SNAPC3: variants seen among roughly 807,000 people sequenced by gnomAD.
The protein encoded by SNAPC3 is small nuclear RNA activating complex polypeptide 3, also known as snRNA-activating protein complex subunit 3.
In SNAPC3, 56 loss-of-function variants were observed where a neutral mutation model predicts 47.7. That is an observed-to-expected ratio of 1.18 (90% CI 0.95 to 1.47). The LOEUF (loss-of-function observed/expected upper bound fraction) is 1.47, where lower values mean the gene tolerates loss of function less well. SNAPC3 is among the 40% of genes most tolerant of loss of function. The probability of loss-of-function intolerance (pLI) is 0.00; values close to 1 mark genes in which losing one functional copy is unlikely to be tolerated. For synonymous variants in SNAPC3, 235 were observed against 189.9 expected, an observed-to-expected ratio of 1.24 and a Z score of -1.95; for missense variants, 665 against 511.3, an observed-to-expected ratio of 1.30 and a Z score of -2.90.
At chr9:15,442,051 G>T (rs1429148536) in intron 3 of SNAPC3, among the ~76,000 whole-genome samples, 2 of 151,380 alleles carry the variant, frequency 1.3e-5, no homozygotes, top group South Asian at 2.1e-4. Context: ...GGGGCAGCTG[G>T]CCAGGCAGGG....
At chr9:15,433,243 G>A (rs1216404528) in intron 2 of SNAPC3, among the ~76,000 whole-genome samples, 3 of 151,162 alleles carry the variant, frequency 2.0e-5, no homozygotes, top group Admixed American at 6.6e-5. Context: ...CAGATGCCAT[G>A]TGGGATCCTG....
chr9:15,450,928 A>T (rs997804399), intron 5 of SNAPC3, among the ~76,000 whole-genome samples: 1 of 152,254 alleles, frequency 6.6e-6, no homozygotes, highest in Non-Finnish European at 1.5e-5. Flanking sequence ...GAAAATATAA[A>T]GAGAGAATTT....
intron 4 of SNAPC3, among the ~76,000 whole-genome samples, chr9:15,446,734 A>G (rs557443666): frequency 6.6e-6 from 1 of 152,248 alleles, no homozygotes; most frequent in South Asian, 2.1e-4. Context: ...GGAAGAGTAA[A>G]CAGTTTAGGA....
chr9:15,430,721 A>G (rs1396511271), intron 2 of SNAPC3, among the ~76,000 whole-genome samples: 1 of 152,220 alleles, frequency 6.6e-6, no homozygotes, highest in Non-Finnish European at 1.5e-5. Context: ...TACCTTAAAT[A>G]TACAGACGTA....
intron 3 of SNAPC3, among the ~76,000 whole-genome samples, chr9:15,436,405 G>C (rs2032806886): frequency 6.6e-6 from 1 of 152,146 alleles, no homozygotes; most frequent in Non-Finnish European, 1.5e-5. Context: ...GCATATAGCT[G>C]TCTATTTTTT....
chr9:15,466,170 G>C (rs2035611395), downstream of SNAPC3, among the ~76,000 whole-genome samples: 2 of 152,224 alleles, frequency 1.3e-5, no homozygotes, highest in Admixed American at 6.5e-5. Flanking sequence ...CTGAGGTCAG[G>C]AGTTCGAGGC....
intron 2 of SNAPC3, among the ~76,000 whole-genome samples, chr9:15,428,304 C>G (rs1240204939): frequency 6.6e-6 from 1 of 151,788 alleles, no homozygotes; most frequent in Non-Finnish European, 1.5e-5. Context: ...ACTGTTTATA[C>G]AGATCAACTT....
intron 2 of SNAPC3, among the ~76,000 whole-genome samples, chr9:15,429,763 A>T (rs1056375462): frequency 3.9e-5 from 6 of 152,228 alleles, no homozygotes; most frequent in African/African-American, 9.6e-5. Flanking sequence ...GATAGAGTTG[A>T]GACCAAATAC....
intron 7 of SNAPC3, among the ~76,000 whole-genome samples, chr9:15,455,985 C>A (rs914697354): frequency 6.6e-6 from 1 of 151,256 alleles, no homozygotes; most frequent in Non-Finnish European, 1.5e-5. Flanking sequence ...GGCAATTCTT[C>A]TGCCTCAGCC....
downstream of SNAPC3, chr9:15,464,798 C>A (rs542901579): frequency 4.8e-6 from 1 of 206,644 alleles, no homozygotes; most frequent in Admixed American, 5.9e-5. Flanking sequence ...TATACCCAGT[C>A]AGTTGTCTGC....
intron 3 of SNAPC3, among the ~76,000 whole-genome samples, chr9:15,442,142 T>TGGCTGGGTGGGGGCTGCC (rs2033471005): frequency 7.1e-6 from 1 of 139,978 alleles, no homozygotes; most frequent in Non-Finnish European, 1.6e-5. Context: ...ACGGGGCGGC[T>TGGCTGGGTGGGGGCTGCC]GGCTGGGTGG....
chr9:15,441,344 A>C (rs1054884199), intron 3 of SNAPC3, among the ~76,000 whole-genome samples: 1 of 134,900 alleles, frequency 7.4e-6, no homozygotes, highest in East Asian at 2.2e-4. Flanking sequence ...AGCTGTATCA[A>C]TTTGCATCCT....
chr9:15,436,848 A>G (rs529184423), intron 3 of SNAPC3, among the ~76,000 whole-genome samples: 1 of 133,998 alleles, frequency 7.5e-6, no homozygotes, highest in Non-Finnish European at 1.6e-5. Context: ...TTTGAGACGA[A>G]GTTTTGCTCT....
Position 15,422,972 on chromosome 9 carries a change from G to T in SNAPC3, c.93G>T (p.Glu31Asp). ...GCAGTGGCGGCTGCAACTTTCCAGA[G>T]TATGAGCTTCCCGAGCTAAATACGC... ...VSGSGGCNFPEYELPELNTRA... is the reference protein window; with the variant it reads ...VSGSGGCNFPDYELPELNTRA... Residue 31 changes from glutamate to aspartate, a missense_variant, in exon 1 of 9, where the codon GAG becomes GAT. Transcript: ENST00000380821. 6.5e-7 allele frequency: 1 copy of T among 1,541,206 alleles called. No homozygotes were observed. The highest frequency in any genetic ancestry group is 8.7e-7 in the Non-Finnish European group (1 of 1,150,052).
chr9:15,458,255 T>G (rs186285782), intron 8 of SNAPC3, among the ~76,000 whole-genome samples, 188 bp downstream of exon 8: 15 of 152,134 alleles, frequency 9.9e-5, no homozygotes, highest in Admixed American at 9.2e-4. Context: ...TCAGGAAATA[T>G]TATATGTACA....
intron 3 of SNAPC3, 164 bp downstream of exon 3, chr9:15,433,800 C>T: frequency 4.4e-6 from 2 of 450,958 alleles, no homozygotes; most frequent in Non-Finnish European, 7.8e-6. Flanking sequence ...AGAAGAGGAC[C>T]CTTAGAACTC....
At chr9:15,423,393 A>G (rs903077275) in intron 1 of SNAPC3, among the ~76,000 whole-genome samples, 200 bp downstream of exon 1, 4 of 152,200 alleles carry the variant, frequency 2.6e-5, no homozygotes, top group African/African-American at 9.7e-5. Flanking sequence ...CACAGTTTCT[A>G]CGAGTTGGAG....
chr9:15,422,937 C>T lies in SNAPC3; in HGVS notation c.58C>T (p.Pro20Ser). The T allele has an allele frequency of 6.5e-7, 1 of 1,539,320 alleles. No individual in the cohort carries two copies. The highest frequency in any genetic ancestry group is 1.2e-5 in the South Asian group (1 of 82,774). Residue 20 changes from proline to serine, a missense_variant, in exon 1 of 9, where the codon CCA (proline) becomes TCA (serine). By Grantham distance (74) the Pro-to-Ser change is moderately conservative (BLOSUM62 -1). Transcript: ENST00000380821. ...TAGCGGGGTGGGTGGCAGGCAGGAC[C>T]CAGTCTCCGGCAGTGGCGGCTGCAA... ...TCSGVGGRQD[P>S]VSGSGGCNFP...
At chr9:15,425,893 C>G (rs146767421) in intron 2 of SNAPC3, among the ~76,000 whole-genome samples, 6 of 152,184 alleles carry the variant, frequency 3.9e-5, no homozygotes, top group Non-Finnish European at 7.3e-5. Flanking sequence ...TGGAATTTCA[C>G]TCTTGTTGCC....
Sources: gnomAD v4.1 joint callset for allele counts (sites outside exome capture counted in the v4.1 genomes callset) on GRCh38, gnomAD v4.1.1 for gene constraint, MANE v1.5 for transcripts, NCBI Gene and HGNC (gene_info 2026-07-23, HGNC 2026-07-21) for gene names.